TRPM8: variants seen among roughly 807,000 people sequenced by gnomAD.
TRPM8 encodes the protein TRPM8 cationic channel.
Under a neutral mutation model 133.7 loss-of-function variants are expected in TRPM8, and 110 were observed. The ratio of observed to expected loss-of-function variants is 0.82; its 90% confidence interval spans 0.70 to 0.96. The LOEUF (loss-of-function observed/expected upper bound fraction) is 0.96, where lower values mean the gene tolerates loss of function less well. TRPM8 is among the 40% of genes least tolerant of loss of function. The pLI, the probability that TRPM8 is intolerant of heterozygous loss-of-function variation, is 0.00. For synonymous variants in TRPM8, 535 were observed against 532.3 expected (o/e 1.01, Z -0.07); for missense variants, 1,291 against 1,379.5 (o/e 0.94, Z 1.02).
At chr2:233,961,152 T>C in intron 12 of TRPM8, 86 bp downstream of exon 12, 1 of 1,334,656 alleles carries the variant, frequency 7.5e-7, no homozygotes, top group Non-Finnish European at 1.0e-6. Context: ...CTACTCCCTA[T>C]CTTATTGCCA....
intron 25 of TRPM8, among the ~76,000 whole-genome samples, chr2:234,016,124 T>C (rs1451259293): frequency 1.3e-5 from 2 of 152,142 alleles, no homozygotes; most frequent in African/African-American, 4.8e-5. Context: ...AACCTTAAAC[T>C]TTTATTAACA....
chr2:233,942,492 G>A (rs1217536530), intron 5 of TRPM8, 84 bp from the exon 6 acceptor site: 48 of 1,355,834 alleles, frequency 3.5e-5, no homozygotes, highest in Admixed American at 8.4e-5. Context: ...CAGGGATGGG[G>A]CCTTTATTTT....
intron 1 of TRPM8, among the ~76,000 whole-genome samples, chr2:233,920,470 C>G (rs144337591): frequency 9.7e-4 from 147 of 152,320 alleles, no homozygotes; most frequent in African/African-American, 3.4e-3. Context: ...AAATCCTTAG[C>G]TATCTCTCTG....
chr2:233,983,445 T>G, intron 20 of TRPM8: 2 of 550,050 alleles, frequency 3.6e-6, no homozygotes, highest in Non-Finnish European at 6.8e-6. Context: ...TTTTTAAACC[T>G]TTTTAAAAAT....
Position 233,949,940 on chromosome 2 carries a change from T to C in TRPM8, c.943-9T>C. 6.2e-7 allele frequency: 1 copy of C among 1,613,866 alleles called. No homozygotes were observed. The highest frequency in any genetic ancestry group is 8.5e-7 in the Non-Finnish European group (1 of 1,179,914). On this transcript the variant is annotated splice_polypyrimidine_tract_variant and intron_variant, in intron 8 of 25. Transcript: ENST00000324695. ...CTCTGATCTGTCTGACTCTGTCTCCTTCCTCCAGGCCATCAATACCTCCAT... is the reference window on the plus strand; with the variant it reads ...CTCTGATCTGTCTGACTCTGTCTCCCTCCTCCAGGCCATCAATACCTCCAT...
chr2:233,964,866 C>T (rs62183648), intron 14 of TRPM8, 109 bp downstream of exon 14: 1 of 1,210,704 alleles, frequency 8.3e-7, no homozygotes, highest in African/African-American at 1.5e-5. Flanking sequence ...CATGTCCAAG[C>T]TCCCCAGTCT....
intron 22 of TRPM8, among the ~76,000 whole-genome samples, chr2:234,002,745 A>G (rs1692600012): frequency 6.6e-6 from 1 of 152,214 alleles, no homozygotes; most frequent in Non-Finnish European, 1.5e-5. Context: ...ATAGGGGAGA[A>G]TCCAGTACAT....
chr2:233,976,650 A>T (rs929515594), intron 17 of TRPM8, among the ~76,000 whole-genome samples: 3 of 152,018 alleles, frequency 2.0e-5, no homozygotes, highest in African/African-American at 7.2e-5. Flanking sequence ...TGTTATTTTT[A>T]AGAACGATCT....
At chr2:233,931,640 G>A (rs1691681237) in intron 3 of TRPM8, among the ~76,000 whole-genome samples, 1 of 152,182 alleles carries the variant, frequency 6.6e-6, no homozygotes, top group South Asian at 2.1e-4. Flanking sequence ...TATACCTCAT[G>A]GGTTGTGGTA....
intron 6 of TRPM8, among the ~76,000 whole-genome samples, chr2:233,944,852 A>G (rs1477597050): frequency 6.6e-6 from 1 of 152,206 alleles, no homozygotes; most frequent in East Asian, 1.9e-4. Context: ...TAAGTGTATT[A>G]CATATATTAA....
intron 3 of TRPM8, among the ~76,000 whole-genome samples, chr2:233,932,982 C>A (rs1691710681): frequency 2.0e-5 from 3 of 150,944 alleles, no homozygotes. Context: ...TAAGCCCAAC[C>A]CACCCTTGCC....
In TRPM8 at chr2:233,989,657, T is replaced by C. The variant is rs1466647258; in HGVS notation, c.2939+3792T>C. ...AAATACTCATTTAAAAGCTTAACCA[T>C]ACACAATGGCAACCTTATTAACTGC... On this transcript the variant is annotated intron_variant, in intron 21 of 25. Coordinates refer to ENST00000324695, the MANE Select transcript of TRPM8 (RefSeq NM_024080.5). This position sits in a 1 kb window ranked among gnomAD's most constrained non-coding sequence, Gnocchi z 4.2. Among the ~76,000 whole-genome samples the C allele has an allele frequency of 6.6e-6, 1 of 152,232 alleles. No homozygotes were observed. The highest frequency in any genetic ancestry group is 2.4e-5 in the African/African-American group (1 of 41,454).
At chr2:234,015,206 T>C (rs1692929601) in intron 25 of TRPM8, among the ~76,000 whole-genome samples, 1 of 152,216 alleles carries the variant, frequency 6.6e-6, no homozygotes, top group Admixed American at 6.5e-5. Flanking sequence ...ACTGACAAAA[T>C]TTAACCCAAG....
intron 2 of TRPM8, among the ~76,000 whole-genome samples, chr2:233,928,248 C>T (rs921347540): frequency 1.1e-4 from 17 of 152,122 alleles, no homozygotes; most frequent in African/African-American, 2.9e-4. Flanking sequence ...GGATCACAGG[C>T]GTGACCCACT....
chr2:233,924,819 G>C (rs879529601), intron 1 of TRPM8, among the ~76,000 whole-genome samples: 12 of 152,344 alleles, frequency 7.9e-5, no homozygotes, highest in African/African-American at 2.9e-4. Context: ...GCAGTTTGCT[G>C]TAAGGGAATC....
intron 3 of TRPM8, among the ~76,000 whole-genome samples, chr2:233,937,142 C>T (rs1256419110): frequency 6.6e-6 from 1 of 152,100 alleles, no homozygotes; most frequent in Non-Finnish European, 1.5e-5. Context: ...GTTATCCGCC[C>T]ACCTCACTCT....
At chr2:233,938,950 T>A in intron 4 of TRPM8, 48 bp from the exon 5 acceptor site, 1 of 1,589,368 alleles carries the variant, frequency 6.3e-7, no homozygotes, top group Middle Eastern at 1.7e-4. Context: ...AACCCCGACC[T>A]CAGGAGAACA....
chr2:233,938,055 C>T (rs558583475), intron 4 of TRPM8, among the ~76,000 whole-genome samples: 1 of 152,264 alleles, frequency 6.6e-6, no homozygotes, highest in East Asian at 1.9e-4. Context: ...TGGTAGGTGA[C>T]CCAGCCCATG....
intron 8 of TRPM8, among the ~76,000 whole-genome samples, chr2:233,948,544 G>T (rs1211900552): frequency 6.6e-6 from 1 of 152,192 alleles, no homozygotes; most frequent in Non-Finnish European, 1.5e-5. Context: ...TTGAAATATG[G>T]TTACATTTAT....
Sources: gnomAD v4.1 joint callset for allele counts (sites outside exome capture counted in the v4.1 genomes callset) on GRCh38, gnomAD v4.1.1 for gene constraint, Gnocchi (gnomAD v3.1) non-coding constraint, MANE v1.5 for transcripts, NCBI Gene and HGNC (gene_info 2026-07-23, HGNC 2026-07-21) for gene names.